The following PTTG1IP2 variants were observed in gnomAD, a reference collection of about 807,000 sequenced individuals.
PTTG1IP2 encodes PTTG1IP family member 2.
chr7:90,486,566 T>G lies in PTTG1IP2; in HGVS notation c.193-761T>G, dbSNP rs568042835. Reference sequence around the variant, plus strand: ...TGCTTAAGGGACTTAGAATTCCATTTTCCTATTTCTGCATGATTATCTGAG... The same window carrying G: ...TGCTTAAGGGACTTAGAATTCCATTGTCCTATTTCTGCATGATTATCTGAG... On this transcript the variant is annotated intron_variant, in intron 2 of 6. Coordinates refer to ENST00000509356, the MANE Select transcript of PTTG1IP2 (RefSeq NM_001365443.2). Among the ~76,000 whole-genome samples the G allele has an allele frequency of 5.3e-5, 8 of 152,026 alleles. 1 individual carries two copies. The South Asian group carries it at 1.7e-3, about 32-fold the overall frequency.
At chr7:90,484,626 C>A (rs1287458910) in intron 2 of PTTG1IP2, among the ~76,000 whole-genome samples, 3 of 151,978 alleles carry the variant, frequency 2.0e-5, no homozygotes, top group African/African-American at 4.8e-5. Flanking sequence ...TTCTTGGGGG[C>A]AATGTGAAGT....
chr7:90,477,298 C>T (rs932898268), intron 1 of PTTG1IP2, among the ~76,000 whole-genome samples: 4 of 152,158 alleles, frequency 2.6e-5, no homozygotes, highest in African/African-American at 7.2e-5. Context: ...AAAGAACCTA[C>T]TGATTCATGT....
chr7:90,476,571 A>C (rs1190055453), intron 1 of PTTG1IP2, among the ~76,000 whole-genome samples: 1 of 152,176 alleles, frequency 6.6e-6, no homozygotes, highest in Non-Finnish European at 1.5e-5. Context: ...TAAAGGAATA[A>C]AGAATAAATT....
intron 1 of PTTG1IP2, among the ~76,000 whole-genome samples, chr7:90,470,530 T>A (rs1797671168): frequency 6.6e-6 from 1 of 152,164 alleles, no homozygotes. Context: ...AAAGCCAAGA[T>A]TGCCATTTTT....
At chr7:90,505,270 C>T (rs572603680) in intron 6 of PTTG1IP2, among the ~76,000 whole-genome samples, 1 of 152,152 alleles carries the variant, frequency 6.6e-6, no homozygotes. Flanking sequence ...ACTTGCTGCC[C>T]AGCCAAATCC....
chr7:90,511,500 G>T (rs559777992), intron 6 of PTTG1IP2, among the ~76,000 whole-genome samples: 6 of 152,224 alleles, frequency 3.9e-5, no homozygotes, highest in Non-Finnish European at 7.4e-5. Context: ...CTCTTTTTCC[G>T]TATGGTTGGT....
intron 4 of PTTG1IP2, among the ~76,000 whole-genome samples, chr7:90,490,169 G>A (rs10249895): frequency 6.9e-4 from 105 of 152,038 alleles, no homozygotes; most frequent in South Asian, 3.1e-3. Flanking sequence ...TTTTGGTGGA[G>A]TACCTCCTCA....
At chr7:90,513,051 G>T (rs1330407337) in intron 6 of PTTG1IP2, among the ~76,000 whole-genome samples, 3 of 152,314 alleles carry the variant, frequency 2.0e-5, no homozygotes, top group South Asian at 4.1e-4. Flanking sequence ...TTGGGTAATT[G>T]AAGAAGCTTG....
chr7:90,479,321 G>T (rs1797790021), intron 2 of PTTG1IP2, 47 bp downstream of exon 2: 1 of 152,512 alleles, frequency 6.6e-6, no homozygotes, highest in South Asian at 2.1e-4. Flanking sequence ...ATGTTATAAA[G>T]TCACAATTTA....
chr7:90,499,640 A>G (rs1026759259), intron 6 of PTTG1IP2, among the ~76,000 whole-genome samples: 4 of 151,900 alleles, frequency 2.6e-5, no homozygotes, highest in Non-Finnish European at 5.9e-5. Flanking sequence ...CTGGAGTGCA[A>G]TGGCCTGATC....
chr7:90,501,235 C>T (rs1408284055), intron 6 of PTTG1IP2, among the ~76,000 whole-genome samples: 1 of 152,206 alleles, frequency 6.6e-6, no homozygotes, highest in Middle Eastern at 3.4e-3. Context: ...CAGAATGCTG[C>T]AATACAGCAA....
chr7:90,478,296 G>T (rs1373852455), intron 1 of PTTG1IP2, among the ~76,000 whole-genome samples: 1 of 152,124 alleles, frequency 6.6e-6, no homozygotes, highest in Non-Finnish European at 1.5e-5. Context: ...CTGTTTCCCT[G>T]TTTCTGCCTT....
intron 1 of PTTG1IP2, among the ~76,000 whole-genome samples, chr7:90,475,939 CAAA>C (rs71104471): frequency 4.7e-5 from 6 of 127,006 alleles, no homozygotes; most frequent in Admixed American, 1.6e-4. Flanking sequence ...GACTCTGTCT[CAAA>C]AAAAAAAAAA....
chr7:90,487,579 A>C (rs1261767697), intron 3 of PTTG1IP2, among the ~76,000 whole-genome samples, 159 bp downstream of exon 3: 1 of 152,228 alleles, frequency 6.6e-6, no homozygotes. Context: ...CCTATGTAGC[A>C]AACCTGCATG....
intron 6 of PTTG1IP2, among the ~76,000 whole-genome samples, chr7:90,497,878 G>T (rs1000041921): frequency 1.3e-5 from 2 of 152,028 alleles, no homozygotes; most frequent in Non-Finnish European, 2.9e-5. Flanking sequence ...TTTTTGTCTG[G>T]ATGTTATGTC....
At chr7:90,497,962 A>C (rs988731690) in intron 6 of PTTG1IP2, among the ~76,000 whole-genome samples, 1 of 151,896 alleles carries the variant, frequency 6.6e-6, no homozygotes, top group Non-Finnish European at 1.5e-5. Flanking sequence ...CAGATCTATT[A>C]ATATTCATAT....
intron 2 of PTTG1IP2, among the ~76,000 whole-genome samples, chr7:90,482,933 A>T (rs1409567060): frequency 6.6e-6 from 1 of 152,286 alleles, no homozygotes; most frequent in Non-Finnish European, 1.5e-5. Context: ...TCTATTGCAC[A>T]GTTCATAGGA....
intron 2 of PTTG1IP2, among the ~76,000 whole-genome samples, chr7:90,486,867 T>C (rs575256201): frequency 2.0e-5 from 3 of 152,338 alleles, no homozygotes; most frequent in South Asian, 4.1e-4. Context: ...AAAAATCCTA[T>C]GGAGTGACAG....
chr7:90,492,410 G>C (rs975268127), intron 5 of PTTG1IP2, 101 bp downstream of exon 5: 1 of 152,212 alleles, frequency 6.6e-6, no homozygotes, highest in Non-Finnish European at 1.5e-5. Context: ...TAGGGGCCAG[G>C]TGCAGTGACT....
Sources: gnomAD v4.1 joint callset for allele counts (sites outside exome capture counted in the v4.1 genomes callset) on GRCh38, gnomAD v4.1.1 for gene constraint, MANE v1.5 for transcripts, NCBI Gene and HGNC (gene_info 2026-07-23, HGNC 2026-07-21) for gene names.